The following MBTD1 variants were observed in gnomAD, a reference collection of about 807,000 sequenced individuals.
MBTD1 encodes the protein mbt domain containing 1, also known as MBT domain-containing protein 1.
Under a neutral mutation model 87.8 loss-of-function variants are expected in MBTD1, and 24 were observed. The observed-to-expected ratio is 0.27, with a 90% confidence interval of 0.20 to 0.38. The LOEUF (loss-of-function observed/expected upper bound fraction) is 0.38, where lower values mean the gene tolerates loss of function less well. MBTD1 is among the 10% of genes least tolerant of loss of function. The probability of loss-of-function intolerance (pLI) is 1.00; values close to 1 mark genes in which losing one functional copy is unlikely to be tolerated. For missense variants in MBTD1, 436 were observed against 760.2 expected (o/e 0.57, Z 5.02); for synonymous variants, 237 against 248.6 (o/e 0.95, Z 0.44).
intron 7 of MBTD1, among the ~76,000 whole-genome samples, chr17:51,206,240 T>A (rs1334057364): frequency 1.3e-5 from 2 of 152,180 alleles, no homozygotes; most frequent in Non-Finnish European, 2.9e-5. Flanking sequence ...TCAACACTTG[T>A]ATCAATTTGG....
intron 14 of MBTD1, 61 bp from the exon 15 acceptor site, chr17:51,193,077 A>G: frequency 1.8e-6 from 2 of 1,130,552 alleles, no homozygotes; most frequent in Non-Finnish European, 2.6e-6. Flanking sequence ...CAACCCTACT[A>G]TCACTAAGAA....
intron 12 of MBTD1, among the ~76,000 whole-genome samples, chr17:51,199,151 T>C (rs1276796720): frequency 1.3e-5 from 2 of 152,066 alleles, no homozygotes; most frequent in African/African-American, 2.4e-5. Flanking sequence ...CAGGCTGGAG[T>C]GCAATAGCAC....
In MBTD1 at chr17:51,201,939, T is replaced by C. The variant is rs183424885; in HGVS notation, c.1119+83A>G. 5,299 of 959,864 alleles carry C rather than the reference T, an allele frequency of 5.5e-3. 36 individuals are homozygous for C. Among genetic ancestry groups the C allele is most frequent in the Non-Finnish European group, 6.7e-3 (3,976 of 596,910 alleles). 59.5% of individuals were successfully genotyped at this position (959,864 alleles called of 1,614,324 possible). A position where few individuals can be genotyped will look rare whatever the true frequency, so the allele number is the denominator to read the frequency against. ...TCTTTTAAGTGAACATATGTAATTG[T>C]GATTTCCGTAATTTTAGGAAAAAAC... On this transcript the variant is annotated intron_variant, in intron 11 of 16. Coordinates refer to ENST00000586178, the MANE Select transcript of MBTD1 (RefSeq NM_017643.3).
At chr17:51,195,188 C>T in intron 13 of MBTD1, 26 bp downstream of exon 13, 1 of 1,588,224 alleles carries the variant, frequency 6.3e-7, no homozygotes, top group South Asian at 1.2e-5. Context: ...CAATTAAAAC[C>T]CAGTGTTTAT....
chr17:51,242,858 C>T (rs1197220292), intron 2 of MBTD1, among the ~76,000 whole-genome samples: 1 of 152,172 alleles, frequency 6.6e-6, no homozygotes, highest in African/African-American at 2.4e-5. Context: ...ATATTCCTCT[C>T]TCCTGTGTTT....
intron 6 of MBTD1, among the ~76,000 whole-genome samples, chr17:51,210,973 C>A (rs1035901589): frequency 6.6e-6 from 1 of 151,036 alleles, no homozygotes; most frequent in South Asian, 2.1e-4. Flanking sequence ...CCTGTCTCTA[C>A]CCAAAACACA....
At chr17:51,184,174 T>C (rs564192036) in intron 16 of MBTD1, 1 of 152,378 alleles carries the variant, frequency 6.6e-6, no homozygotes, top group East Asian at 1.9e-4. Flanking sequence ...ACTGTTTTCA[T>C]GGAATCTAAA....
At chr17:51,209,347 C>G (rs1263124401) in intron 6 of MBTD1, 5 of 470,928 alleles carry the variant, frequency 1.1e-5, no homozygotes. Flanking sequence ...CCACCTCAGG[C>G]TCCTCCCAAA....
intron 2 of MBTD1, among the ~76,000 whole-genome samples, chr17:51,226,798 A>C (rs2053244644): frequency 6.6e-6 from 1 of 151,624 alleles, no homozygotes; most frequent in Non-Finnish European, 1.5e-5. Flanking sequence ...TGCCCAGCTA[A>C]CTTTTGTACT....
intron 2 of MBTD1, among the ~76,000 whole-genome samples, chr17:51,228,712 G>A (rs1293780292): frequency 4.0e-5 from 6 of 151,340 alleles, no homozygotes; most frequent in African/African-American, 1.5e-4. Context: ...GGCCAATATG[G>A]CGAAACCCCA....
chr17:51,197,864 A>G (rs2051227762), intron 12 of MBTD1, among the ~76,000 whole-genome samples: 1 of 151,976 alleles, frequency 6.6e-6, no homozygotes, highest in South Asian at 2.1e-4. Flanking sequence ...TGGTCTACCA[A>G]TCAATCTTCT....
chr17:51,192,029 A>T, intron 16 of MBTD1, 174 bp downstream of exon 16: 1 of 605,474 alleles, frequency 1.7e-6, no homozygotes, highest in South Asian at 2.1e-5. Context: ...GTAAAATATC[A>T]GTGTTTCTCA....
intron 16 of MBTD1, among the ~76,000 whole-genome samples, chr17:51,190,344 C>T (rs1011853061): frequency 8.6e-5 from 13 of 151,980 alleles, no homozygotes; most frequent in African/African-American, 3.1e-4. Flanking sequence ...GGTCTAAAGC[C>T]ATCCGCCTTG....
rs540468898 is a variant in MBTD1 at position 51,228,676 on chromosome 17, T to G, written c.-48-3467A>C. Among the ~76,000 whole-genome samples, 1,429 of 150,628 alleles carry G rather than the reference T, an allele frequency of 9.5e-3. 10 individuals are homozygous for G. The highest frequency in any genetic ancestry group is 0.014 in the Non-Finnish European group (915 of 67,668). ...CTGTAATTCCAGCACTTTGGGAGGC[T>G]GAGGTCAGGAGTTTGAGACCAGCCT... On this transcript the variant is annotated intron_variant, in intron 2 of 16. Coordinates refer to ENST00000586178, the MANE Select transcript of MBTD1 (RefSeq NM_017643.3).
chr17:51,230,920 G>C (rs2053514465), intron 2 of MBTD1, among the ~76,000 whole-genome samples: 1 of 151,850 alleles, frequency 6.6e-6, no homozygotes, highest in Admixed American at 6.6e-5. Flanking sequence ...CCTCCATTTG[G>C]AGGCGACCTT....
chr17:51,196,595 T>A (rs1228827238), intron 12 of MBTD1, among the ~76,000 whole-genome samples: 2 of 152,124 alleles, frequency 1.3e-5, no homozygotes, highest in East Asian at 3.9e-4. Context: ...ATTTCCACTA[T>A]ATTAAAAATA....
chr17:51,242,120 T>C (rs1049115289), intron 2 of MBTD1, among the ~76,000 whole-genome samples: 10 of 152,368 alleles, frequency 6.6e-5, no homozygotes, highest in African/African-American at 2.4e-4. Context: ...GGGAATGATA[T>C]AAGAAATAAA....
chr17:51,240,180 A>G (rs2054085461), intron 2 of MBTD1, among the ~76,000 whole-genome samples: 1 of 152,154 alleles, frequency 6.6e-6, no homozygotes, highest in Non-Finnish European at 1.5e-5. Context: ...TTATGGTAAA[A>G]GTGAAAATTC....
intron 2 of MBTD1, 25 bp from the exon 3 acceptor site, chr17:51,225,234 C>T: frequency 7.3e-7 from 1 of 1,376,486 alleles, no homozygotes; most frequent in East Asian, 2.6e-5. Context: ...AAACCAGTGA[C>T]ACATGACACA....
Sources: allele counts gnomAD v4.1 joint callset (sites outside exome capture counted in the v4.1 genomes callset), GRCh38; gene constraint gnomAD v4.1.1; transcripts MANE v1.5; gene names NCBI Gene and HGNC (gene_info 2026-07-23, HGNC 2026-07-21).